PARD3: variants seen among roughly 807,000 people sequenced by gnomAD.
PARD3 encodes the protein par-3 family cell polarity regulator.
A neutral mutation model predicts 155.4 loss-of-function variants in PARD3; 75 were observed. The ratio of observed to expected loss-of-function variants is 0.48; its 90% CI spans 0.40 to 0.58. The LOEUF is 0.58. Ranked by LOEUF, PARD3 falls within the 20% of genes least tolerant of loss-of-function variation. The pLI, the probability that PARD3 is intolerant of heterozygous loss-of-function variation, is 0.00. For synonymous variants in PARD3, 576 were observed against 610.5 expected (o/e 0.94, Z 0.83); for missense variants, 1,642 against 1,721.7 (o/e 0.95, Z 0.82).
intron 5 of PARD3, among the ~76,000 whole-genome samples, chr10:34,405,079 A>AACACACACACAC (rs200596601): frequency 6.7e-5 from 4 of 59,444 alleles, no homozygotes; most frequent in Non-Finnish European, 1.3e-4. Context: ...CACAAACACA[A>AACACACACACAC]ACACACACAC....
Position 34,748,229 on chromosome 10 carries a change from G to A in PARD3, c.121-51810C>T, listed in dbSNP as rs181987841. On this transcript the variant is annotated intron_variant, in intron 1 of 24. Transcript: ENST00000374788. ...TCACGCCTGTAATCCCAGCACTTTG[G>A]GAGGGTGAGGCAGGCAGATCACTTG... Among the ~76,000 whole-genome samples the A allele has an allele frequency of 1.6e-3, 246 of 152,272 alleles. 1 individual carries two copies. The Middle Eastern group carries it at 0.017, about 11-fold the overall frequency.
chr10:34,484,537 T>C (rs1199417763), intron 3 of PARD3, among the ~76,000 whole-genome samples: 1 of 152,142 alleles, frequency 6.6e-6, no homozygotes, highest in Non-Finnish European at 1.5e-5. Flanking sequence ...TTGTTTGTTG[T>C]TGTTGTTGTT....
chr10:34,679,223 G>A (rs933444251), intron 2 of PARD3, among the ~76,000 whole-genome samples: 3 of 152,138 alleles, frequency 2.0e-5, no homozygotes, highest in African/African-American at 4.8e-5. Context: ...CTCAATGGAC[G>A]GCACAGACGG....
At chr10:34,270,002 T>C in intron 21 of PARD3, 103 bp from the exon 22 acceptor site, 1 of 1,174,870 alleles carries the variant, frequency 8.5e-7, no homozygotes, top group Non-Finnish European at 1.2e-6. Flanking sequence ...ATTTGATTTC[T>C]TGCAGCTATA....
intron 1 of PARD3, among the ~76,000 whole-genome samples, chr10:34,725,105 T>TTGTGTGTG (rs71033342): frequency 0.019 from 2,631 of 135,720 alleles, 23 homozygotes; most frequent in South Asian, 0.041. Context: ...AGTCAAAACT[T>TTGTGTGTG]TGTGTGTGTG....
intron 2 of PARD3, among the ~76,000 whole-genome samples, chr10:34,604,868 G>A (rs2090093969): frequency 6.6e-6 from 1 of 151,708 alleles, no homozygotes; most frequent in African/African-American, 2.4e-5. Flanking sequence ...CTCATTACTG[G>A]ACAGATCAAT....
intron 2 of PARD3, among the ~76,000 whole-genome samples, chr10:34,553,608 G>A (rs886749974): frequency 1.3e-5 from 2 of 152,148 alleles, no homozygotes; most frequent in African/African-American, 2.4e-5. Context: ...ATGCTAAGGA[G>A]AGCAAATCAC....
intron 3 of PARD3, among the ~76,000 whole-genome samples, chr10:34,496,658 C>G (rs1480811918): frequency 1.3e-5 from 2 of 152,128 alleles, no homozygotes; most frequent in Admixed American, 6.6e-5. Flanking sequence ...GAAAGCAAGC[C>G]CAATTTCAAC....
intron 15 of PARD3, chr10:34,344,454 T>C (rs1000952794): frequency 5.4e-6 from 3 of 559,500 alleles, no homozygotes; most frequent in Admixed American, 6.4e-5. Flanking sequence ...GGCTAATTTT[T>C]GTATTTTTCG....
At chr10:34,452,646 G>A (rs564879733) in intron 4 of PARD3, among the ~76,000 whole-genome samples, 9 of 151,934 alleles carry the variant, frequency 5.9e-5, no homozygotes, top group African/African-American at 9.7e-5. Context: ...TCTTGTTGGC[G>A]CTATGGACTG....
Position 34,307,180 on chromosome 10 carries a change from G to A in PARD3, c.3065+9927C>T, listed in dbSNP as rs548855262. Among the ~76,000 whole-genome samples, 9 of 152,194 alleles carry A rather than the reference G, an allele frequency of 5.9e-5. No individual in the cohort carries two copies. The South Asian group carries it at 1.2e-3, about 21-fold the overall frequency. Reference sequence around the variant, plus strand: ...GCTGGGATTACAGGCGTGAGCCACCGCACCCGGCTCAAAAGTTTTATTTAT... The same window carrying A: ...GCTGGGATTACAGGCGTGAGCCACCACACCCGGCTCAAAAGTTTTATTTAT... On this transcript the variant is annotated intron_variant, in intron 20 of 24. Transcript: ENST00000374788.
intron 19 of PARD3, among the ~76,000 whole-genome samples, chr10:34,326,726 T>C (rs139802571): frequency 7.9e-5 from 12 of 152,312 alleles, no homozygotes; most frequent in African/African-American, 2.6e-4. Flanking sequence ...GATTTAATAA[T>C]GTAAATTCAG....
intron 2 of PARD3, among the ~76,000 whole-genome samples, chr10:34,597,370 A>G (rs2089374610): frequency 1.3e-5 from 2 of 151,790 alleles, no homozygotes; most frequent in African/African-American, 2.4e-5. Flanking sequence ...ATCATCACCA[A>G]TAAGTTTTGC....
rs1438117245 is a variant in PARD3 at position 34,665,849 on chromosome 10, A to AC, written c.222+30468dup. On this transcript the variant is annotated intron_variant, in intron 2 of 24. Coordinates refer to ENST00000374788, the MANE Select transcript of PARD3 (RefSeq NM_001184785.2). ...GACTTCGTCTCAATTAAAGAACAGAACAGAACAGAACAGAACAGAACAGAA... is the reference window on the plus strand; with the variant it reads ...GACTTCGTCTCAATTAAAGAACAGAACCAGAACAGAACAGAACAGAACAGAA... Among the ~76,000 whole-genome samples the AC allele has an allele frequency of 9.6e-4, 92 of 95,618 alleles. 1 individual carries two copies. Among genetic ancestry groups the AC allele is most frequent in the African/African-American group, 3.6e-3 (88 of 24,388 alleles). The allele number at this position is 95,618 out of a possible 152,430, so 62.7% of individuals were successfully genotyped here.
chr10:34,458,712 G>A (rs997242682), intron 4 of PARD3, among the ~76,000 whole-genome samples: 4 of 151,942 alleles, frequency 2.6e-5, no homozygotes, highest in African/African-American at 9.7e-5. Context: ...GATGAGGGAA[G>A]TTTAACGTTT....
At chr10:34,703,510 C>T (rs1015888755) in intron 1 of PARD3, among the ~76,000 whole-genome samples, 3 of 150,916 alleles carry the variant, frequency 2.0e-5, no homozygotes, top group African/African-American at 7.3e-5. Context: ...TAAAATTAGA[C>T]CAGTCAAGTA....
At chr10:34,480,825 C>T (rs1293521934) in intron 3 of PARD3, among the ~76,000 whole-genome samples, 5 of 123,436 alleles carry the variant, frequency 4.1e-5, no homozygotes, top group South Asian at 2.7e-4. Flanking sequence ...TTTTTTGAGA[C>T]GGAGTCTTGC....
chr10:34,688,352 T>C (rs1301581705), intron 2 of PARD3, among the ~76,000 whole-genome samples: 1 of 152,216 alleles, frequency 6.6e-6, no homozygotes, highest in African/African-American at 2.4e-5. Flanking sequence ...AAATAATAAA[T>C]GACAAAGACC....
chr10:34,312,256 T>G lies in PARD3; in HGVS notation c.3065+4851A>C. ...GTAAACAAAATTCGTCAACAGCCAC[T>G]AAGAATTCATTAAAAGTAAATTTAT... On this transcript the variant is annotated intron_variant, in intron 20 of 24. Transcript: ENST00000374788. 1.9e-6 allele frequency: 3 copies of G among 1,597,232 alleles called. No individual in the cohort carries two copies. In the South Asian group the frequency reaches 3.4e-5, roughly 18 times the overall value.
Sources: gnomAD v4.1 joint callset for allele counts (sites outside exome capture counted in the v4.1 genomes callset) on GRCh38, gnomAD v4.1.1 for gene constraint, MANE v1.5 for transcripts, NCBI Gene and HGNC (gene_info 2026-07-23, HGNC 2026-07-21) for gene names.